The following CARMIL2 variants were observed in gnomAD, a reference collection of about 807,000 sequenced individuals.
CARMIL2 encodes the protein capping protein, Arp2/3 and myosin-I linker protein 2.
CARMIL2 carries 96 observed loss-of-function variants against 173.3 expected under a neutral mutation model. The ratio of observed to expected loss-of-function variants is 0.55; its 90% CI spans 0.47 to 0.66. The LOEUF is 0.66. CARMIL2 is among the 30% of genes least tolerant of loss of function. The probability of loss-of-function intolerance (pLI) is 0.00; values close to 1 mark genes in which losing one functional copy is unlikely to be tolerated. For missense variants in CARMIL2, 1,771 were observed against 1,906.7 expected (o/e 0.93, Z 1.33); for synonymous variants, 830 against 817.1 (o/e 1.02, Z -0.27).
rs2052890180 is a variant in CARMIL2 at position 67,657,497 on chromosome 16, A to AGGC, written c.4294_4296dup (p.Gly1432dup). ...CACCCTCCCCAGCCACAGACCAAAG[A>AGGC]GGCGGCGGCCCCAATCCCTGATCCT... On this transcript the variant is annotated inframe_insertion, in exon 38 of 38. Coordinates refer to ENST00000334583, the MANE Select transcript of CARMIL2 (RefSeq NM_001013838.3). The surrounding 1 kb of genome is among the most constrained non-coding windows in gnomAD (Gnocchi z 4.5). 2 of 1,613,008 alleles carry AGGC rather than the reference A, an allele frequency of 1.2e-6. No homozygotes were observed. The highest frequency in any genetic ancestry group is 2.7e-5 in the African/African-American group (2 of 74,992).
chr16:67,648,161 C>T lies in CARMIL2; in HGVS notation c.1181C>T (p.Thr394Ile), dbSNP rs781641510. Residue 394 changes from threonine to isoleucine, a missense_variant, in exon 14 of 38, where the codon ACC becomes ATC. Around this residue, in one of 3 missense-constraint regions of CARMIL2, gnomAD observed 944 missense variants for 975.6 expected, o/e 0.97. Coordinates refer to ENST00000334583, the MANE Select transcript of CARMIL2 (RefSeq NM_001013838.3). This position sits in a 1 kb window ranked among gnomAD's most constrained non-coding sequence, Gnocchi z 6.1. Reference protein sequence around the residue: ...VRGCSVGGWMTGRADWRAGRG... With the variant: ...VRGCSVGGWMIGRADWRAGRG... The stretch of plus-strand genomic sequence containing the variant: ...GGGTGCTCCGTGGGGGGATGGATGA[C>T]CGGCAGGGCGGACTGGAGGGCGGGA... The T allele has an allele frequency of 5.0e-6, 8 of 1,611,530 alleles. No homozygotes were observed. The highest frequency in any genetic ancestry group is 6.8e-6 in the Non-Finnish European group (8 of 1,179,134).
At chr16:67,645,395 C>G in intron 1 of CARMIL2, 109 bp downstream of exon 1, 1 of 1,391,784 alleles carries the variant, frequency 7.2e-7, no homozygotes, top group Non-Finnish European at 1.0e-6. Context: ...CTCCCTGCTC[C>G]CCAGGAGGGC....
Position 67,653,404 on chromosome 16 carries a change from C to T in CARMIL2, c.3120+150C>T, listed in dbSNP as rs1182138916. 1.3e-5 allele frequency: 3 copies of T among 231,048 alleles called. No individual in the cohort carries two copies. The highest frequency in any genetic ancestry group is 6.0e-5 in the Admixed American group (1 of 16,794). 14.3% of individuals were successfully genotyped at this position (231,048 alleles called of 1,614,324 possible). A position where few individuals can be genotyped will look rare whatever the true frequency, so the allele number is the denominator to read the frequency against. On this transcript the variant is annotated intron_variant, in intron 29 of 37. Coordinates refer to ENST00000334583, the MANE Select transcript of CARMIL2 (RefSeq NM_001013838.3). The surrounding 1 kb of genome is among the most constrained non-coding windows in gnomAD (Gnocchi z 7.4). ...GGCCGCGGTCACATCCTGGCTTCTT[C>T]CTGACCACCCCCCACCCCAGGCCAT...
Position 67,649,538 on chromosome 16 carries a change from C to T in CARMIL2, c.1838C>T (p.Ala613Val). Reference sequence around the variant, plus strand: ...CTAGCCACCAATCCTAACCTGACCGCGCTGGATATCAGCGGCAACGCCATG... The same window carrying T: ...CTAGCCACCAATCCTAACCTGACCGTGCTGGATATCAGCGGCAACGCCATG... ...RALATNPNLT[A>V]LDISGNAMGD... Residue 613 changes from alanine (A) to valine (V), a missense_variant, in exon 20 of 38, where the codon GCG (alanine) becomes GTG (valine). By Grantham distance (64) the Ala-to-Val change is moderately conservative. Coordinates refer to ENST00000334583, the MANE Select transcript of CARMIL2 (RefSeq NM_001013838.3). The surrounding 1 kb of genome is among the most constrained non-coding windows in gnomAD (Gnocchi z 6.7). 6.2e-7 allele frequency: 1 copy of T among 1,605,990 alleles called. No individual in the cohort carries two copies. The highest frequency in any genetic ancestry group is 8.5e-7 in the Non-Finnish European group (1 of 1,179,846).
At position 67,657,502 on chromosome 16, in the gene CARMIL2, G is replaced by A. The variant is rs749152602; in HGVS notation, c.4292G>A (p.Gly1431Asp). 1 of 1,613,126 alleles carries A rather than the reference G, an allele frequency of 6.2e-7. No individual in the cohort carries two copies. The highest frequency in any genetic ancestry group is 1.1e-5 in the South Asian group (1 of 91,010). Reference sequence around the variant, plus strand: ...TCCCCAGCCACAGACCAAAGAGGCGGCGGCCCCAATCCCTGATCCTCTCCT... The same window carrying A: ...TCCCCAGCCACAGACCAAAGAGGCGACGGCCCCAATCCCTGATCCTCTCCT... The part of the protein sequence containing the change: ...PPSPATDQRG[G>D]GPNP Residue 1431 changes from glycine (G) to aspartate (D), a missense_variant, in exon 38 of 38, where the codon GGC becomes GAC. Transcript: ENST00000334583. The surrounding 1 kb of genome is among the most constrained non-coding windows in gnomAD (Gnocchi z 4.5).
Position 67,651,464 on chromosome 16 carries a change from C to G in CARMIL2, c.2377C>G (p.Leu793Val). ...PSHHWQLGQK[L>V]EGLLRQVGEV... The stretch of plus-strand genomic sequence containing the variant: ...CCATCACTGGCAGCTTGGGCAGAAG[C>G]TGGAGGGCCTTCTGAGACAGGTGGG... Residue 793 changes from leucine to valine, a missense_variant, in exon 24 of 38, where the codon CTG becomes GTG. Transcript: ENST00000334583. This position sits in a 1 kb window ranked among gnomAD's most constrained non-coding sequence, Gnocchi z 4.2. 6.3e-7 allele frequency: 1 copy of G among 1,599,912 alleles called. No individual in the cohort carries two copies. The highest frequency in any genetic ancestry group is 8.5e-7 in the Non-Finnish European group (1 of 1,171,970).
Position 67,656,044 on chromosome 16 carries a change from A to G in CARMIL2, c.3719A>G (p.Glu1240Gly). Residue 1240 changes from glutamate to glycine, a missense_variant, in exon 33 of 38, where the codon GAG (glutamate) becomes GGG (glycine). By Grantham distance (98) the Glu-to-Gly change is moderately conservative (BLOSUM62 -2). Transcript: ENST00000334583. Reference protein sequence around the residue: ...EGKRKQSKDGEIKKAGSDGDI... With the variant: ...EGKRKQSKDGGIKKAGSDGDI... ...TGTTTCCTGCAGAGCAAAGATGGCG[A>G]GATCAAGAAAGCTGGCTCAGATGGT... is the stretch of plus-strand genomic sequence containing the variant. The G allele has an allele frequency of 6.2e-7, 1 of 1,600,260 alleles. No individual in the cohort carries two copies. Among genetic ancestry groups the G allele is most frequent in the East Asian group, 2.3e-5 (1 of 44,314 alleles).
rs1016092905 is a variant in CARMIL2 at position 67,652,658 on chromosome 16, C to G, written c.2884+120C>G. ...TGTCTGGGTACCCACCAGCCCTTGA[C>G]TGGGCCAGGTCGGGCCCCTTGTGCA... On this transcript the variant is annotated intron_variant, in intron 28 of 37. Transcript: ENST00000334583. This position sits in a 1 kb window ranked among gnomAD's most constrained non-coding sequence, Gnocchi z 4.7. The G allele has an allele frequency of 3.6e-5, 36 of 1,013,924 alleles. No homozygotes were observed. In the East Asian group the frequency reaches 9.3e-4, roughly 26 times the overall value. The allele number at this position is 1,013,924 out of a possible 1,614,324, so 62.8% of individuals were successfully genotyped here.
chr16:67,656,717 T>G, intron 35 of CARMIL2, 72 bp downstream of exon 35: 2 of 1,560,944 alleles, frequency 1.3e-6, no homozygotes, highest in Non-Finnish European at 1.7e-6. Flanking sequence ...GGAACTCAGC[T>G]CCTCTAAGGA....
At position 67,647,687 on chromosome 16, in the gene CARMIL2, T is replaced by C. The variant is rs565205148; in HGVS notation, c.879T>C (p.Thr293=). 3.9e-5 allele frequency: 63 copies of C among 1,600,152 alleles called. 1 individual carries two copies. The South Asian group carries it at 7.0e-4, about 18-fold the overall frequency. Residue 293 remains threonine (T), a synonymous_variant, in exon 12 of 38, where the codon ACT becomes ACC. Coordinates refer to ENST00000334583, the MANE Select transcript of CARMIL2 (RefSeq NM_001013838.3). The stretch of plus-strand genomic sequence containing the variant: ...CTGTTCCCACCCCCCAAGGCATGAC[T>C]GCACTCAGCAGACACCTCGAGCGTT... ...AGNLLDDRGM[T]ALSRHLERCP...
Position 67,645,626 on chromosome 16 carries a change from G to GTCC in CARMIL2, c.129_131dup (p.Leu44dup), listed in dbSNP as rs1567625938. 1.2e-6 allele frequency: 2 copies of GTCC among 1,613,628 alleles called. No homozygotes were observed. The highest frequency in any genetic ancestry group is 1.7e-6 in the Non-Finnish European group (2 of 1,179,838). ...CGGGGAGGGTGCTGTGCAAAACCAT[G>GTCC]TCCTGGTATGGGGCAGGGGACAGAG... On this transcript the variant is annotated inframe_insertion, in exon 2 of 38. Transcript: ENST00000334583.
chr16:67,657,478 C>T lies in CARMIL2; in HGVS notation c.4268C>T (p.Ser1423Phe), dbSNP rs1330515064. 6.2e-7 allele frequency: 1 copy of T among 1,612,364 alleles called. No homozygotes were observed. Among genetic ancestry groups the T allele is most frequent in the Non-Finnish European group, 8.5e-7 (1 of 1,179,276 alleles). ...EPSSPERSPP[S>F]PATDQRGGGP... ...TCCAGCCCTGAGCGGAGCCCACCCT[C>T]CCCAGCCACAGACCAAAGAGGCGGC... is the stretch of plus-strand genomic sequence containing the variant. Residue 1423 changes from serine (S) to phenylalanine (F), a missense_variant, in exon 38 of 38, where the codon TCC becomes TTC. By Grantham distance (155) the Ser-to-Phe change is radical (BLOSUM62 -2). Coordinates refer to ENST00000334583, the MANE Select transcript of CARMIL2 (RefSeq NM_001013838.3). This position sits in a 1 kb window ranked among gnomAD's most constrained non-coding sequence, Gnocchi z 4.5.
chr16:67,648,891 A>G lies in CARMIL2; in HGVS notation c.1510-2A>G. ...TTCCCACCTCCCACCTCCCACATACAGCTGCGCTCGGCCGGCGCCCAGGTG... is the reference window on the plus strand; with the variant it reads ...TTCCCACCTCCCACCTCCCACATACGGCTGCGCTCGGCCGGCGCCCAGGTG... On this transcript the variant is annotated splice_acceptor_variant, in intron 16 of 37. Coordinates refer to ENST00000334583, the MANE Select transcript of CARMIL2 (RefSeq NM_001013838.3). LOFTEE classifies it high-confidence loss of function. The surrounding 1 kb of genome is among the most constrained non-coding windows in gnomAD (Gnocchi z 6.1). 6.2e-7 allele frequency: 1 copy of G among 1,603,122 alleles called. No homozygotes were observed. The highest frequency in any genetic ancestry group is 8.5e-7 in the Non-Finnish European group (1 of 1,175,528).
rs1375776868 is a variant in CARMIL2 at position 67,648,203 on chromosome 16, C to T, written c.1223C>T (p.Pro408Leu). The change falls in exon 14 of 38, where the codon CCC becomes CTC. Residue 408 changes from proline to leucine, a missense_variant. By Grantham distance (98) the Pro-to-Leu change is moderately conservative (BLOSUM62 -3). Transcript: ENST00000334583. This position sits in a 1 kb window ranked among gnomAD's most constrained non-coding sequence, Gnocchi z 6.1. ...DWRAGRGGLG[P>L]PAGVANSLPP... ...AGGGCGGGACGGGGAGGGCTCGGTC[C>T]CCCCGCGGGTGTAGCCAACAGCCTC... The T allele has an allele frequency of 6.2e-7, 1 of 1,604,850 alleles. No homozygotes were observed. The highest frequency in any genetic ancestry group is 8.5e-7 in the Non-Finnish European group (1 of 1,176,454).
At position 67,656,134 on chromosome 16, in the gene CARMIL2, C is replaced by G; in HGVS notation, c.3742+67C>G. ...GTGTCCTTATAGACAGCCCCCAAGG[C>G]ACTTGCTCTCCTTGGGGAGGAAGGG... On this transcript the variant is annotated intron_variant, in intron 33 of 37. Transcript: ENST00000334583. 3 of 1,605,558 alleles carry G rather than the reference C, an allele frequency of 1.9e-6. No homozygotes were observed. In the Admixed American group the frequency reaches 5.0e-5, roughly 27 times the overall value.
Position 67,652,353 on chromosome 16 carries a change from G to C in CARMIL2, c.2817+14G>C. ...GAGAAGGAGAAGGTAAGTGGTTTTA[G>C]AACACGGGGCATGGCACTCCCAGTC... On this transcript the variant is annotated intron_variant, in intron 27 of 37. Coordinates refer to ENST00000334583, the MANE Select transcript of CARMIL2 (RefSeq NM_001013838.3). This position sits in a 1 kb window ranked among gnomAD's most constrained non-coding sequence, Gnocchi z 4.7. The C allele has an allele frequency of 6.2e-7, 1 of 1,613,142 alleles. No homozygotes were observed. The highest frequency in any genetic ancestry group is 1.3e-5 in the African/African-American group (1 of 75,054).
rs371019393 is a variant in CARMIL2 at position 67,649,034 on chromosome 16, C to T, written c.1592-42C>T. The T allele has an allele frequency of 6.2e-7, 1 of 1,604,404 alleles. No individual in the cohort carries two copies. The highest frequency in any genetic ancestry group is 8.5e-7 in the Non-Finnish European group (1 of 1,175,774). On this transcript the variant is annotated intron_variant, in intron 17 of 37. Transcript: ENST00000334583. The surrounding 1 kb of genome is among the most constrained non-coding windows in gnomAD (Gnocchi z 6.7). The stretch of plus-strand genomic sequence containing the variant: ...CACTCGATTCCCAATCCCCACCCTA[C>T]CCTTGCAACTTCGCCTCGTGCGTGA...
Position 67,654,985 on chromosome 16 carries a change from T to G in CARMIL2, c.3705+85T>G. The stretch of plus-strand genomic sequence containing the variant: ...AAGTGACCAAGATGGAGGAGACTCA[T>G]GACAGATAGGTCTAATTGTCAGTTC... On this transcript the variant is annotated intron_variant, in intron 32 of 37. Coordinates refer to ENST00000334583, the MANE Select transcript of CARMIL2 (RefSeq NM_001013838.3). The G allele has an allele frequency of 5.3e-6, 8 of 1,521,266 alleles. 1 individual carries two copies. In the South Asian group the frequency reaches 9.5e-5, roughly 18 times the overall value. The allele number at this position is 1,521,266 out of a possible 1,614,324, so 94.2% of individuals were successfully genotyped here.
At chr16:67,650,178 G>A in intron 22 of CARMIL2, 28 bp downstream of exon 22, 2 of 1,576,062 alleles carry the variant, frequency 1.3e-6, no homozygotes. Flanking sequence ...AACCACGAGA[G>A]GTAGGGCATG....
Sources: gnomAD v4.1 joint callset for allele counts on GRCh38, gnomAD v4.1.1 for gene constraint, gnomAD v4.1.1 regional missense constraint, Gnocchi (gnomAD v3.1) non-coding constraint, MANE v1.5 for transcripts, NCBI Gene and HGNC (gene_info 2026-07-23, HGNC 2026-07-21) for gene names.